Variants in SRRM4 observed in about 807,000 individuals in gnomAD.
The protein encoded by SRRM4 is serine/arginine repetitive matrix protein 4.
In SRRM4, 33 loss-of-function variants were observed where a neutral mutation model predicts 68.9. That is an observed-to-expected ratio of 0.48 (90% CI 0.36 to 0.64). The LOEUF is 0.64. Ranked by LOEUF, SRRM4 falls within the 30% of genes least tolerant of loss-of-function variation. The pLI, the probability that SRRM4 is intolerant of heterozygous loss-of-function variation, is 0.00. For missense variants in SRRM4, 817 were observed against 827.1 expected (o/e 0.99, Z 0.15); for synonymous variants, 318 against 318.8 (o/e 1.00, Z 0.03).
chr12:119,153,489 C>A, intron 10 of SRRM4, 50 bp from the exon 11 acceptor site: 1 of 1,291,982 alleles, frequency 7.7e-7, no homozygotes, highest in Non-Finnish European at 1.1e-6. Flanking sequence ...TCTTGGATAA[C>A]CCAGGCGGAC....
At chr12:119,012,238 T>C (rs1350351173) in intron 1 of SRRM4, among the ~76,000 whole-genome samples, 1 of 152,222 alleles carries the variant, frequency 6.6e-6, no homozygotes, top group Non-Finnish European at 1.5e-5. Flanking sequence ...TATAATTTGC[T>C]GACCAAGGGC....
chr12:119,125,614 CT>C, intron 7 of SRRM4, 135 bp downstream of exon 7: 2 of 718,598 alleles, frequency 2.8e-6, no homozygotes, highest in South Asian at 3.9e-5. Flanking sequence ...GCTGGCACCA[CT>C]TCCCTGTAGA....
chr12:119,083,460 G>A (rs972466933), intron 1 of SRRM4, among the ~76,000 whole-genome samples: 1 of 152,008 alleles, frequency 6.6e-6, no homozygotes, highest in African/African-American at 2.4e-5. Context: ...AAATATCCCA[G>A]CTCCCTGGTG....
intron 1 of SRRM4, among the ~76,000 whole-genome samples, chr12:119,064,567 G>A (rs1235570372): frequency 6.6e-6 from 1 of 152,132 alleles, no homozygotes; most frequent in Non-Finnish European, 1.5e-5. Context: ...CAGAAAACTA[G>A]CTATAACTCC....
At chr12:119,028,476 T>A (rs988786707) in intron 1 of SRRM4, among the ~76,000 whole-genome samples, 6 of 152,212 alleles carry the variant, frequency 3.9e-5, no homozygotes, top group African/African-American at 4.8e-5. Flanking sequence ...TCTCTTCTCT[T>A]GTCTGCCGCC....
Position 119,154,181 on chromosome 12 carries a change from C to A in SRRM4, c.1392-62C>A, listed in dbSNP as rs1954457403. On this transcript the variant is annotated intron_variant, in intron 11 of 12. Transcript: ENST00000267260. This position sits in a 1 kb window ranked among gnomAD's most constrained non-coding sequence, Gnocchi z 4.7. ...AAAGAAAGGGAGTGTCCCTCTCCCA[C>A]GCGCTCACGCAGAAAATCCAGCCCA... The A allele has an allele frequency of 8.8e-6, 13 of 1,476,084 alleles. No homozygotes were observed. The South Asian group carries it at 1.6e-4, about 18-fold the overall frequency. The allele number at this position is 1,476,084 out of a possible 1,614,324, so 91.4% of individuals were successfully genotyped here. A position where few individuals can be genotyped will look rare whatever the true frequency, so the allele number is the denominator to read the frequency against.
At chr12:119,032,714 A>G (rs1414713048) in intron 1 of SRRM4, among the ~76,000 whole-genome samples, 2 of 152,150 alleles carry the variant, frequency 1.3e-5, no homozygotes, top group East Asian at 1.9e-4. Flanking sequence ...ATGAAGTATG[A>G]TATTGCTGGT....
intron 1 of SRRM4, among the ~76,000 whole-genome samples, chr12:119,013,826 T>A (rs1953464552): frequency 6.6e-6 from 1 of 152,198 alleles, no homozygotes; most frequent in African/African-American, 2.4e-5. Flanking sequence ...TGGCCTACCT[T>A]GGAGGGTATA....
intron 1 of SRRM4, among the ~76,000 whole-genome samples, chr12:119,067,478 G>A (rs1038465872): frequency 5.3e-5 from 8 of 152,104 alleles, no homozygotes; most frequent in East Asian, 3.9e-4. Flanking sequence ...AGGCCAAGGC[G>A]GGCAGATTAC....
At chr12:119,022,105 G>A (rs2136002154) in intron 1 of SRRM4, among the ~76,000 whole-genome samples, 1 of 152,078 alleles carries the variant, frequency 6.6e-6, no homozygotes, top group East Asian at 1.9e-4. Context: ...GTTGATAGGT[G>A]CAGCAAACCA....
chr12:119,008,565 T>C lies in SRRM4; in HGVS notation c.131+26552T>C, dbSNP rs1246580565. On this transcript the variant is annotated intron_variant, in intron 1 of 12. Coordinates refer to ENST00000267260, the MANE Select transcript of SRRM4 (RefSeq NM_194286.4). The stretch of plus-strand genomic sequence containing the variant: ...AACCATGTTGGAGCTCTAAAGGTAG[T>C]AGTAGCCCCAGTCCTTGGCAAGTCT... 2.0e-5 allele frequency among the ~76,000 whole-genome samples: 3 copies of C among 151,124 alleles called. No homozygotes were observed. In the East Asian group the frequency reaches 5.8e-4, roughly 29 times the overall value.
chr12:119,143,863 G>T lies in SRRM4; in HGVS notation c.772-1518G>T, dbSNP rs369111073. On this transcript the variant is annotated intron_variant, in intron 8 of 12. Coordinates refer to ENST00000267260, the MANE Select transcript of SRRM4 (RefSeq NM_194286.4). ...AGCAGTCTTAAGGGGGTGCCTTCTT[G>T]GTCCCCCAGATTTCTCATCCCATAG... is the stretch of plus-strand genomic sequence containing the variant. 2.1e-4 allele frequency among the ~76,000 whole-genome samples: 32 copies of T among 152,182 alleles called. No individual in the cohort carries two copies. In the East Asian group the frequency reaches 6.0e-3, roughly 29 times the overall value.
intron 9 of SRRM4, among the ~76,000 whole-genome samples, chr12:119,149,395 A>G (rs1213866870): frequency 2.0e-5 from 3 of 152,200 alleles, no homozygotes; most frequent in African/African-American, 7.2e-5. Context: ...TGGGAATGAA[A>G]TGATGCTTGT....
chr12:119,130,656 G>A, intron 7 of SRRM4, 22 bp from the exon 8 acceptor site: 1 of 1,602,064 alleles, frequency 6.2e-7, no homozygotes, highest in Non-Finnish European at 8.5e-7. Flanking sequence ...AAGACCCTCA[G>A]GTCTCTCTCC....
chr12:118,982,679 G>GTTT (rs370087102), intron 1 of SRRM4, among the ~76,000 whole-genome samples: 9 of 102,172 alleles, frequency 8.8e-5, no homozygotes, highest in African/African-American at 3.0e-4. Flanking sequence ...GTTTTTTTTT[G>GTTT]TTTTTTTTTT....
Position 119,118,202 on chromosome 12 carries a change from A to G in SRRM4, c.437+1194A>G, listed in dbSNP as rs550220567. 3.9e-5 allele frequency among the ~76,000 whole-genome samples: 6 copies of G among 152,350 alleles called. No individual in the cohort carries two copies. In the East Asian group the frequency reaches 9.7e-4, roughly 25 times the overall value. On this transcript the variant is annotated intron_variant, in intron 4 of 12. Coordinates refer to ENST00000267260, the MANE Select transcript of SRRM4 (RefSeq NM_194286.4). ...CAAAGCCTGCTTGGCCCCTGGAGGC[A>G]GGAAGTTTGAAGCTCCCTATACAAG...
Position 119,007,643 on chromosome 12 carries a change from C to G in SRRM4, c.131+25630C>G, listed in dbSNP as rs147268992. Among the ~76,000 whole-genome samples the G allele has an allele frequency of 6.0e-3, 911 of 152,302 alleles. 3 individuals carry two copies. The highest frequency in any genetic ancestry group is 0.019 in the African/African-American group (788 of 41,562). On this transcript the variant is annotated intron_variant, in intron 1 of 12. Coordinates refer to ENST00000267260, the MANE Select transcript of SRRM4 (RefSeq NM_194286.4). ...ATGATACCATTAGAGAATGAGGAAA[C>G]AAACTCAGAGAGGTTCAGTGACTTG...
chr12:119,083,850 T>A (rs1318974427), intron 1 of SRRM4, among the ~76,000 whole-genome samples: 4 of 152,096 alleles, frequency 2.6e-5, no homozygotes, highest in African/African-American at 9.7e-5. Flanking sequence ...GGCATCTAAA[T>A]ACACAGAGAA....
At chr12:119,085,405 C>A (rs1393856525) in intron 1 of SRRM4, among the ~76,000 whole-genome samples, 1 of 152,202 alleles carries the variant, frequency 6.6e-6, no homozygotes, top group Non-Finnish European at 1.5e-5. Flanking sequence ...GGGTTTGAAC[C>A]CAGCAGTCTG....
Sources: gnomAD v4.1 joint callset for allele counts (sites outside exome capture counted in the v4.1 genomes callset) on GRCh38, gnomAD v4.1.1 for gene constraint, Gnocchi (gnomAD v3.1) non-coding constraint, MANE v1.5 for transcripts, NCBI Gene and HGNC (gene_info 2026-07-23, HGNC 2026-07-21) for gene names.